PNO1: variants seen among roughly 807,000 people sequenced by gnomAD.
The protein encoded by PNO1 is partner of NOB1 homolog.
PNO1 carries 16 observed loss-of-function variants against 28.4 expected under a neutral mutation model. The observed-to-expected ratio is 0.56, with a 90% CI of 0.38 to 0.85. The LOEUF (loss-of-function observed/expected upper bound fraction) is 0.85, where lower values mean the gene tolerates loss of function less well. PNO1 is among the 40% of genes least tolerant of loss of function. PNO1 has a pLI of 0.00. For synonymous variants in PNO1, 115 were observed against 110.8 expected (o/e 1.04, Z -0.24); for missense variants, 304 against 312.2 (o/e 0.97, Z 0.20).
intron 5 of PNO1, 171 bp from the exon 6 acceptor site, chr2:68,173,176 C>A: frequency 1.9e-6 from 1 of 519,640 alleles, no homozygotes; most frequent in African/African-American, 2.0e-5. Flanking sequence ...CTACTACACC[C>A]AGCTAACTGT....
At chr2:68,171,592 T>C (rs1674134343) in intron 5 of PNO1, among the ~76,000 whole-genome samples, 1 of 152,208 alleles carries the variant, frequency 6.6e-6, no homozygotes, top group Non-Finnish European at 1.5e-5. Flanking sequence ...AATGTTTGTT[T>C]TGTTCATCTG....
intron 5 of PNO1, among the ~76,000 whole-genome samples, chr2:68,163,098 A>C (rs563706887): frequency 6.6e-6 from 1 of 152,246 alleles, no homozygotes; most frequent in African/African-American, 2.4e-5. Context: ...GTTGGGAATC[A>C]TCTGTATACT....
Position 68,169,533 on chromosome 2 carries a change from G to A in PNO1, c.621-3814G>A, listed in dbSNP as rs117556940. Among the ~76,000 whole-genome samples, 240 of 152,270 alleles carry A rather than the reference G, an allele frequency of 1.6e-3. 1 individual carries two copies. The East Asian group carries it at 0.032, about 20-fold the overall frequency. On this transcript the variant is annotated intron_variant, in intron 5 of 6. Coordinates refer to ENST00000263657, the MANE Select transcript of PNO1 (RefSeq NM_020143.4). ...GCTCACCACAAGAGCAATAGGTGGT[G>A]GCTGTGAAGTTGTCGTACAGTATGC...
chr2:68,161,843 A>G, intron 3 of PNO1, 77 bp downstream of exon 3: 3 of 980,262 alleles, frequency 3.1e-6, no homozygotes, highest in Non-Finnish European at 4.7e-6. Flanking sequence ...TAGGCATTAA[A>G]AAAAAAAAAG....
intron 5 of PNO1, among the ~76,000 whole-genome samples, chr2:68,165,622 G>A (rs888609200): frequency 6.6e-6 from 1 of 151,280 alleles, no homozygotes; most frequent in African/African-American, 2.4e-5. Flanking sequence ...GCTAAGGCGG[G>A]TGGATCACCT....
intron 5 of PNO1, among the ~76,000 whole-genome samples, chr2:68,165,400 G>A: frequency 7.3e-6 from 1 of 137,718 alleles, no homozygotes; most frequent in Non-Finnish European, 1.5e-5. Flanking sequence ...AAAAAAACTA[G>A]CTGGGTGTGG....
At chr2:68,173,576 ATTTT>A (rs34874863) in intron 6 of PNO1, among the ~76,000 whole-genome samples, 159 bp downstream of exon 6, 2 of 111,402 alleles carry the variant, frequency 1.8e-5, no homozygotes, top group Non-Finnish European at 1.7e-5. Flanking sequence ...AGGAAGTAGA[ATTTT>A]TTTTTTTTTT....
At chr2:68,169,667 G>A (rs910953281) in intron 5 of PNO1, among the ~76,000 whole-genome samples, 2 of 152,152 alleles carry the variant, frequency 1.3e-5, no homozygotes, top group Non-Finnish European at 2.9e-5. Flanking sequence ...GTGTGCGTAA[G>A]TTTTAATTTT....
intron 5 of PNO1, among the ~76,000 whole-genome samples, chr2:68,166,898 T>C (rs1674009404): frequency 6.6e-6 from 1 of 152,236 alleles, no homozygotes. Context: ...CTGTTAGCTC[T>C]TGATTTCTCC....
rs1382879167 is a variant in PNO1 at position 68,162,670 on chromosome 2, A to G, written c.620+7A>G. On this transcript the variant is annotated splice_region_variant and intron_variant, in intron 5 of 6. Coordinates refer to ENST00000263657, the MANE Select transcript of PNO1 (RefSeq NM_020143.4). ...GGATAGTTTTGGCTGATGTGTAAGT[A>G]TCTGATCTTGAGAAAATTATTGTCA... The G allele has an allele frequency of 6.7e-7, 1 of 1,488,154 alleles. No individual in the cohort carries two copies. Among genetic ancestry groups the G allele is most frequent in the East Asian group, 2.3e-5 (1 of 44,282 alleles). 92.2% of individuals were successfully genotyped at this position (1,488,154 alleles called of 1,614,324 possible). A position where few individuals can be genotyped will look rare whatever the true frequency, so the allele number is the denominator to read the frequency against.
chr2:68,163,568 C>T (rs1347922448), intron 5 of PNO1, among the ~76,000 whole-genome samples: 2 of 150,964 alleles, frequency 1.3e-5, no homozygotes, highest in East Asian at 1.9e-4. Context: ...TACATACATA[C>T]ATACATACAT....
At chr2:68,161,867 G>A (rs1673840013) in intron 3 of PNO1, 101 bp downstream of exon 3, 1 of 760,296 alleles carries the variant, frequency 1.3e-6, no homozygotes, top group Admixed American at 2.3e-5. Flanking sequence ...AGGCACAGTG[G>A]CTCACACCTG....
intron 2 of PNO1, 130 bp downstream of exon 2, chr2:68,158,659 T>C: frequency 1.3e-6 from 1 of 762,834 alleles, no homozygotes; most frequent in Non-Finnish European, 2.0e-6. Flanking sequence ...AAATTTACCA[T>C]ATTGAGTTTG....
At chr2:68,158,576 T>C in intron 2 of PNO1, 47 bp downstream of exon 2, 1 of 1,533,596 alleles carries the variant, frequency 6.5e-7, no homozygotes, top group Non-Finnish European at 8.9e-7. Flanking sequence ...CTTTCTCTCC[T>C]ACAGAGATGA....
At chr2:68,165,690 A>G (rs1354704591) in intron 5 of PNO1, among the ~76,000 whole-genome samples, 1 of 152,206 alleles carries the variant, frequency 6.6e-6, no homozygotes, top group Non-Finnish European at 1.5e-5. Context: ...CAAAAAAAAA[A>G]AGAATTTAGA....
chr2:68,173,269 G>T (rs562536803), intron 5 of PNO1, 78 bp from the exon 6 acceptor site: 25 of 852,298 alleles, frequency 2.9e-5, no homozygotes, highest in Non-Finnish European at 4.1e-5. Context: ...TACCTGCCTT[G>T]GCCTTCCAAA....
chr2:68,162,729 C>A, intron 5 of PNO1, 66 bp downstream of exon 5: 5 of 1,040,820 alleles, frequency 4.8e-6, no homozygotes, highest in Non-Finnish European at 7.6e-6. Context: ...TTAAGAAAGT[C>A]ATAACAGTTG....
intron 2 of PNO1, among the ~76,000 whole-genome samples, 154 bp from the exon 3 acceptor site, chr2:68,161,529 T>C (rs1321392744): frequency 6.6e-6 from 1 of 152,234 alleles, no homozygotes; most frequent in Non-Finnish European, 1.5e-5. Context: ...ACAGCACTTA[T>C]CTGACCAGAA....
At chr2:68,172,343 TC>T (rs1674152531) in intron 5 of PNO1, among the ~76,000 whole-genome samples, 1 of 152,062 alleles carries the variant, frequency 6.6e-6, no homozygotes, top group African/African-American at 2.4e-5. Flanking sequence ...CACCTGCTCC[TC>T]CCCCAGGCCC....
Sources: gnomAD v4.1 joint callset for allele counts (sites outside exome capture counted in the v4.1 genomes callset) on GRCh38, gnomAD v4.1.1 for gene constraint, MANE v1.5 for transcripts, NCBI Gene and HGNC (gene_info 2026-07-23, HGNC 2026-07-21) for gene names.